The following GLRA3 variants were observed in gnomAD, a reference collection of about 807,000 sequenced individuals.
GLRA3 encodes the protein glycine receptor subunit alpha-3.
Under a neutral mutation model 60.4 loss-of-function variants are expected in GLRA3, and 44 were observed. The observed-to-expected ratio is 0.73, with a 90% CI of 0.57 to 0.94. GLRA3 has a LOEUF of 0.94. GLRA3 is among the 40% of genes least tolerant of loss of function. The pLI is 0.00. For synonymous variants in GLRA3, 223 were observed against 192.9 expected (o/e 1.16, Z -1.29); for missense variants, 508 against 564.6 (o/e 0.90, Z 1.02).
At chr4:174,675,948 G>A (rs759962488) in intron 7 of GLRA3, among the ~76,000 whole-genome samples, 5 of 152,078 alleles carry the variant, frequency 3.3e-5, no homozygotes, top group Admixed American at 6.6e-5. Flanking sequence ...TTTACTTGGT[G>A]TAGCAAGAAG....
chr4:174,659,006 T>C, intron 8 of GLRA3, 48 bp downstream of exon 8: 1 of 1,516,184 alleles, frequency 6.6e-7, no homozygotes, highest in Non-Finnish European at 9.1e-7. Context: ...AAATTCACTT[T>C]CGAGTGAAAA....
Position 174,656,712 on chromosome 4 carries a change from C to T in GLRA3, c.1116+31G>A, listed in dbSNP as rs529135362. ...TCTGCTTTTTACTGATGACCACATT[C>T]CTCTATTTAGAGTTAAGAAAGTCAA... is the stretch of plus-strand genomic sequence containing the variant. On this transcript the variant is annotated intron_variant, in intron 9 of 9. Transcript: ENST00000274093. The T allele has an allele frequency of 9.0e-5, 112 of 1,238,956 alleles. 2 individuals carry two copies. In the Admixed American group the frequency reaches 1.8e-3, roughly 20 times the overall value. The allele number at this position is 1,238,956 out of a possible 1,614,324, so 76.7% of individuals were successfully genotyped here. A position where few individuals can be genotyped will look rare whatever the true frequency, so the allele number is the denominator to read the frequency against.
At chr4:174,667,356 A>C (rs1733719030) in intron 7 of GLRA3, among the ~76,000 whole-genome samples, 1 of 152,148 alleles carries the variant, frequency 6.6e-6, no homozygotes, top group Non-Finnish European at 1.5e-5. Context: ...CCTCATAAGC[A>C]CAGAATTGAG....
intron 1 of GLRA3, among the ~76,000 whole-genome samples, chr4:174,789,913 T>A (rs1739258290): frequency 6.6e-6 from 1 of 152,140 alleles, no homozygotes; most frequent in Non-Finnish European, 1.5e-5. Flanking sequence ...ATCAAACCAT[T>A]TGGGTCACCA....
intron 1 of GLRA3, among the ~76,000 whole-genome samples, chr4:174,816,171 G>C (rs913282209): frequency 1.3e-5 from 2 of 152,112 alleles, no homozygotes; most frequent in Admixed American, 1.3e-4. Context: ...GGTCCATGAT[G>C]GGGGAGGACT....
intron 2 of GLRA3, among the ~76,000 whole-genome samples, chr4:174,773,454 T>C (rs934604782): frequency 2.0e-4 from 27 of 135,652 alleles, no homozygotes; most frequent in Admixed American, 1.2e-3. Flanking sequence ...TAGGCAGACC[T>C]AGAGCAAGTA....
intron 7 of GLRA3, among the ~76,000 whole-genome samples, chr4:174,665,445 G>T (rs557713742): frequency 1.3e-5 from 2 of 151,926 alleles, no homozygotes; most frequent in South Asian, 4.2e-4. Context: ...TATTTTTGTG[G>T]TAGATCCTGT....
chr4:174,822,009 A>G (rs1263603593), intron 1 of GLRA3, among the ~76,000 whole-genome samples: 1 of 152,216 alleles, frequency 6.6e-6, no homozygotes, highest in East Asian at 1.9e-4. Context: ...TGAATTAAAC[A>G]TTATGGAGGT....
intron 3 of GLRA3, among the ~76,000 whole-genome samples, chr4:174,736,839 A>T (rs143119615): frequency 1.7e-3 from 259 of 152,300 alleles, no homozygotes; most frequent in African/African-American, 5.6e-3. Flanking sequence ...GGGAATCCAC[A>T]ATCATCATAA....
chr4:174,672,243 C>T (rs77605146), intron 7 of GLRA3, among the ~76,000 whole-genome samples: 2,343 of 152,256 alleles, frequency 0.015, 31 homozygotes, highest in Non-Finnish European at 0.025. Context: ...GGATACTTCC[C>T]TATTTCTTTC....
intron 5 of GLRA3, among the ~76,000 whole-genome samples, chr4:174,714,161 T>A (rs1248648190): frequency 1.3e-5 from 2 of 152,198 alleles, no homozygotes; most frequent in Non-Finnish European, 2.9e-5. Flanking sequence ...ACTAAAATAA[T>A]CTTTAAGAGG....
intron 5 of GLRA3, among the ~76,000 whole-genome samples, chr4:174,702,361 G>A (rs556035713): frequency 6.6e-6 from 1 of 152,200 alleles, no homozygotes; most frequent in African/African-American, 2.4e-5. Context: ...ACACTTATAG[G>A]CTACAGTACA....
intron 1 of GLRA3, among the ~76,000 whole-genome samples, chr4:174,818,766 C>T (rs968658309): frequency 6.6e-6 from 1 of 152,080 alleles, no homozygotes; most frequent in African/African-American, 2.4e-5. Flanking sequence ...AAGTTAAGGA[C>T]TCAGAGGTCC....
Position 174,786,464 on chromosome 4 carries a change from G to A in GLRA3, c.199+2352C>T, listed in dbSNP as rs1428019224. Among the ~76,000 whole-genome samples, 5 of 152,104 alleles carry A rather than the reference G, an allele frequency of 3.3e-5. No homozygotes were observed. The East Asian group carries it at 7.7e-4, about 23-fold the overall frequency. The stretch of plus-strand genomic sequence containing the variant: ...CATTCTCACCTCCTTTTGTGTAAAT[G>A]TCTTCTGTTAGGTATTGGATTCAGT... On this transcript the variant is annotated intron_variant, in intron 2 of 9. Transcript: ENST00000274093.
intron 3 of GLRA3, among the ~76,000 whole-genome samples, chr4:174,764,812 T>G (rs1007819499): frequency 5.9e-5 from 9 of 152,192 alleles, no homozygotes; most frequent in African/African-American, 2.2e-4. Context: ...TCTTTGTGCC[T>G]ATATAGATGA....
chr4:174,689,077 G>A (rs1579447952), intron 5 of GLRA3, among the ~76,000 whole-genome samples: 1 of 152,074 alleles, frequency 6.6e-6, no homozygotes, highest in Non-Finnish European at 1.5e-5. Flanking sequence ...AAACTAACTG[G>A]TTTATTTAAA....
intron 3 of GLRA3, among the ~76,000 whole-genome samples, chr4:174,752,589 A>C (rs1327513364): frequency 6.6e-6 from 1 of 152,116 alleles, no homozygotes; most frequent in Admixed American, 6.5e-5. Flanking sequence ...CTATTCCGAA[A>C]GTTTGACGAT....
intron 1 of GLRA3, among the ~76,000 whole-genome samples, chr4:174,813,744 C>T (rs1740366739): frequency 6.6e-6 from 1 of 152,170 alleles, no homozygotes; most frequent in African/African-American, 2.4e-5. Flanking sequence ...AAAATCTATC[C>T]TTCAACTATT....
At chr4:174,763,821 A>T (rs1738032429) in intron 3 of GLRA3, among the ~76,000 whole-genome samples, 1 of 152,180 alleles carries the variant, frequency 6.6e-6, no homozygotes, top group South Asian at 2.1e-4. Context: ...TTTTAATTTA[A>T]TATTTTTAAG....
Sources: gnomAD v4.1 joint callset for allele counts (sites outside exome capture counted in the v4.1 genomes callset) on GRCh38, gnomAD v4.1.1 for gene constraint, MANE v1.5 for transcripts, NCBI Gene and HGNC (gene_info 2026-07-23, HGNC 2026-07-21) for gene names.